The following PARM1 variants were observed in gnomAD, a reference collection of about 807,000 sequenced individuals.
The protein encoded by PARM1 is WSC4, cell wall integrity and stress response component 4 homolog.
PARM1 carries 14 observed loss-of-function variants against 24.6 expected under a neutral mutation model. The observed-to-expected ratio is 0.57, with a 90% CI of 0.38 to 0.89. The LOEUF (loss-of-function observed/expected upper bound fraction) is 0.89. PARM1 is among the 40% of genes least tolerant of loss of function. The pLI, the probability that PARM1 is intolerant of heterozygous loss-of-function variation, is 0.00. For missense variants in PARM1, 362 were observed against 380.4 expected (o/e 0.95, Z 0.40); for synonymous variants, 179 against 156.6 (o/e 1.14, Z -1.07).
chr4:74,961,984 A>G (rs1390491931), intron 1 of PARM1, among the ~76,000 whole-genome samples: 1 of 152,200 alleles, frequency 6.6e-6, no homozygotes, highest in African/African-American at 2.4e-5. Flanking sequence ...GATTTAAGAG[A>G]CTAATGCTTA....
intron 1 of PARM1, among the ~76,000 whole-genome samples, chr4:74,968,008 C>T (rs1436356145): frequency 1.3e-5 from 2 of 152,094 alleles, no homozygotes; most frequent in Non-Finnish European, 2.9e-5. Flanking sequence ...TTGCAGGTTC[C>T]TCCCCTTTTC....
intron 1 of PARM1, among the ~76,000 whole-genome samples, chr4:74,958,674 G>A (rs1002383415): frequency 6.6e-6 from 1 of 152,046 alleles, no homozygotes; most frequent in African/African-American, 2.4e-5. Context: ...ATAGTTAATG[G>A]GATTAAGCCC....
intron 1 of PARM1, among the ~76,000 whole-genome samples, chr4:74,959,168 C>T (rs780905429): frequency 1.3e-5 from 2 of 152,236 alleles, no homozygotes; most frequent in South Asian, 4.2e-4. Context: ...TAGTGGCTAT[C>T]GTATTAGACA....
At chr4:75,001,294 A>G (rs1722675895) in intron 1 of PARM1, among the ~76,000 whole-genome samples, 1 of 152,268 alleles carries the variant, frequency 6.6e-6, no homozygotes, top group African/African-American at 2.4e-5. Flanking sequence ...ATTTATAATG[A>G]TAAATGATGA....
intron 1 of PARM1, among the ~76,000 whole-genome samples, chr4:74,981,642 C>T (rs765793652): frequency 2.6e-5 from 4 of 151,896 alleles, no homozygotes; most frequent in African/African-American, 7.3e-5. Flanking sequence ...TTTGGGAGAC[C>T]GAGGCGAGTG....
chr4:74,981,090 A>T (rs1722245183), intron 1 of PARM1, among the ~76,000 whole-genome samples: 1 of 152,234 alleles, frequency 6.6e-6, no homozygotes. Context: ...AGCAATTGCA[A>T]CAAAAGCAAA....
chr4:74,953,033 G>A (rs2109985490), intron 1 of PARM1, among the ~76,000 whole-genome samples: 2 of 152,192 alleles, frequency 1.3e-5, no homozygotes, highest in East Asian at 3.9e-4. Context: ...CCCACAAAAG[G>A]TAAGATAGTC....
chr4:74,967,798 G>C (rs747546560), intron 1 of PARM1: 4 of 152,186 alleles, frequency 2.6e-5, no homozygotes, highest in Non-Finnish European at 4.4e-5. Flanking sequence ...TAGGGAGAAA[G>C]TGAAACCATG....
intron 3 of PARM1, among the ~76,000 whole-genome samples, chr4:75,041,406 T>C (rs1578061986): frequency 6.6e-6 from 1 of 152,334 alleles, no homozygotes; most frequent in South Asian, 2.1e-4. Flanking sequence ...CTTCCATATT[T>C]CTTCATATCC....
chr4:75,049,375 A>G lies in PARM1; in HGVS notation c.*3128A>G, dbSNP rs965398450. The G allele has an allele frequency of 6.6e-6, 1 of 152,222 alleles. No individual in the cohort carries two copies. Among genetic ancestry groups the G allele is most frequent in the Non-Finnish European group, 1.5e-5 (1 of 68,042 alleles). 9.4% of individuals were successfully genotyped at this position (152,222 alleles called of 1,614,324 possible). A position where few individuals can be genotyped will look rare whatever the true frequency, so the allele number is the denominator to read the frequency against. On this transcript the variant is annotated 3_prime_UTR_variant, in exon 4 of 4. Transcript: ENST00000307428. ...TACTTATAGACAGTTTAACTATTAC[A>G]TAGATATATAAGTGATCTCAGTTTC... is the stretch of plus-strand genomic sequence containing the variant.
At chr4:74,960,084 G>A (rs1435325056) in intron 1 of PARM1, among the ~76,000 whole-genome samples, 6 of 152,216 alleles carry the variant, frequency 3.9e-5, no homozygotes, top group Admixed American at 3.9e-4. Context: ...GTAACTTGCA[G>A]GCAGTTTGTA....
At chr4:74,993,088 C>T (rs1184591411) in intron 1 of PARM1, among the ~76,000 whole-genome samples, 1 of 152,074 alleles carries the variant, frequency 6.6e-6, no homozygotes, top group Non-Finnish European at 1.5e-5. Context: ...TAGAATATGC[C>T]AAGAGTGTTA....
intron 1 of PARM1, among the ~76,000 whole-genome samples, chr4:74,943,704 C>T (rs1721356507): frequency 6.6e-6 from 1 of 152,126 alleles, no homozygotes; most frequent in African/African-American, 2.4e-5. Flanking sequence ...TTGAGCTCAG[C>T]TAGGGAAGAT....
At chr4:75,005,537 A>G (rs951521488) in intron 1 of PARM1, among the ~76,000 whole-genome samples, 3 of 152,086 alleles carry the variant, frequency 2.0e-5, no homozygotes, top group African/African-American at 2.4e-5. Context: ...CTACGCTACA[A>G]TGCCTCTACC....
intron 2 of PARM1, among the ~76,000 whole-genome samples, chr4:75,029,363 A>G (rs1723237166): frequency 6.6e-6 from 1 of 152,172 alleles, no homozygotes; most frequent in African/African-American, 2.4e-5. Context: ...CCCCACCCAA[A>G]TCTTACCTTG....
chr4:74,978,640 C>T (rs937146886), intron 1 of PARM1, among the ~76,000 whole-genome samples: 1 of 152,144 alleles, frequency 6.6e-6, no homozygotes, highest in Non-Finnish European at 1.5e-5. Context: ...CTTTCCACCC[C>T]AAAAATAATG....
intron 1 of PARM1, among the ~76,000 whole-genome samples, chr4:74,992,172 C>T (rs1269814997): frequency 6.6e-6 from 1 of 152,120 alleles, no homozygotes; most frequent in Non-Finnish European, 1.5e-5. Flanking sequence ...CAGGAAGGTC[C>T]TCAAACCTGT....
At chr4:74,982,028 AGGCAT>A (rs1722267636) in intron 1 of PARM1, among the ~76,000 whole-genome samples, 1 of 152,184 alleles carries the variant, frequency 6.6e-6, no homozygotes, top group African/African-American at 2.4e-5. Context: ...ACAATAGCAA[AGGCAT>A]GGCATCAACC....
intron 2 of PARM1, among the ~76,000 whole-genome samples, chr4:75,019,742 G>A (rs535052415): frequency 1.3e-5 from 2 of 152,134 alleles, no homozygotes; most frequent in South Asian, 4.2e-4. Context: ...GGTGGCTCAC[G>A]CCTGTAATCC....
Sources: gnomAD v4.1 joint callset for allele counts (sites outside exome capture counted in the v4.1 genomes callset) on GRCh38, gnomAD v4.1.1 for gene constraint, MANE v1.5 for transcripts, NCBI Gene and HGNC (gene_info 2026-07-23, HGNC 2026-07-21) for gene names.